PRPF39: variants seen among roughly 807,000 people sequenced by gnomAD.
PRPF39 encodes the protein pre-mRNA-processing factor 39.
PRPF39 carries 27 observed loss-of-function variants against 82.1 expected under a neutral mutation model. The ratio of observed to expected loss-of-function variants is 0.33; its 90% CI spans 0.24 to 0.45. PRPF39 has a LOEUF of 0.45. Among genes scored for constraint, PRPF39 ranks in the 20% least tolerant of loss-of-function variants. The pLI is 1.00. For synonymous variants in PRPF39, 261 were observed against 256.4 expected (o/e 1.02, Z -0.17); for missense variants, 581 against 796.9 (o/e 0.73, Z 3.26).
intron 3 of PRPF39, 180 bp downstream of exon 3, chr14:45,096,408 C>A: frequency 6.7e-7 from 1 of 1,486,936 alleles, no homozygotes; most frequent in Non-Finnish European, 9.0e-7. Flanking sequence ...CTAATATTTT[C>A]TCTCTTTGTT....
intron 1 of PRPF39, among the ~76,000 whole-genome samples, chr14:45,094,644 A>T (rs1036957995): frequency 2.6e-5 from 4 of 152,216 alleles, no homozygotes; most frequent in Non-Finnish European, 2.9e-5. Context: ...TTTATATCTT[A>T]TATAATAAAG....
In PRPF39 at chr14:45,107,419, C is replaced by G. The variant is rs1403536668; in HGVS notation, c.738-32C>G. The stretch of plus-strand genomic sequence containing the variant: ...CAATATGAGATCTAAAATTATGATT[C>G]AAATACATATATTTTTATTGTCTTC... On this transcript the variant is annotated intron_variant, in intron 5 of 13. Coordinates refer to ENST00000355765, the MANE Select transcript of PRPF39 (RefSeq NM_017922.4). 9 of 1,426,696 alleles carry G rather than the reference C, an allele frequency of 6.3e-6. No homozygotes were observed. The Admixed American group carries it at 8.4e-5, about 13-fold the overall frequency. 88.4% of individuals were successfully genotyped at this position (1,426,696 alleles called of 1,614,324 possible).
At chr14:45,109,561 G>T in intron 7 of PRPF39, 55 bp from the exon 8 acceptor site, 3 of 1,441,028 alleles carry the variant, frequency 2.1e-6, no homozygotes, top group Non-Finnish European at 2.8e-6. Context: ...CTGTACATGT[G>T]CATATTTTGG....
At position 45,116,140 on chromosome 14, in the gene PRPF39, C is replaced by T. The variant is rs1226512080; in HGVS notation, c.*1227C>T. ...AAGTTCTAACTAGTTGTGTAAATTTCTTCAAGGCCAAGTTTTATCATTGTT... is the reference window on the plus strand; with the variant it reads ...AAGTTCTAACTAGTTGTGTAAATTTTTTCAAGGCCAAGTTTTATCATTGTT... On this transcript the variant is annotated 3_prime_UTR_variant, in exon 14 of 14. Transcript: ENST00000355765. 1 of 1,290,530 alleles carries T rather than the reference C, an allele frequency of 7.7e-7. No homozygotes were observed. Among genetic ancestry groups the T allele is most frequent in the Non-Finnish European group, 1.1e-6 (1 of 893,002 alleles). The allele number at this position is 1,290,530 out of a possible 1,614,324, so 79.9% of individuals were successfully genotyped here.
intron 1 of PRPF39, among the ~76,000 whole-genome samples, chr14:45,086,523 T>C (rs1217267102): frequency 6.6e-6 from 1 of 152,112 alleles, no homozygotes; most frequent in Non-Finnish European, 1.5e-5. Flanking sequence ...GGGAGGACTT[T>C]TATTAGTCTG....
intron 1 of PRPF39, among the ~76,000 whole-genome samples, chr14:45,085,606 A>G (rs951057238): frequency 6.6e-6 from 1 of 152,214 alleles, no homozygotes; most frequent in African/African-American, 2.4e-5. Context: ...ATTGATGTAG[A>G]CGTTTATGTA....
intron 4 of PRPF39, among the ~76,000 whole-genome samples, chr14:45,101,347 T>C (rs1884366963): frequency 6.6e-6 from 1 of 152,254 alleles, no homozygotes; most frequent in African/African-American, 2.4e-5. Flanking sequence ...GATACTTATC[T>C]TGAAAGTATG....
intron 1 of PRPF39, among the ~76,000 whole-genome samples, chr14:45,085,596 A>G (rs898850178): frequency 2.0e-5 from 3 of 152,226 alleles, no homozygotes; most frequent in Admixed American, 6.5e-5. Flanking sequence ...AAAGCCGAAG[A>G]TTGATGTAGA....
chr14:45,085,110 C>T (rs957804192), intron 1 of PRPF39, among the ~76,000 whole-genome samples: 2 of 152,072 alleles, frequency 1.3e-5, no homozygotes, highest in African/African-American at 4.8e-5. Flanking sequence ...TGGACAGGGA[C>T]GTATGAAGCT....
intron 5 of PRPF39, among the ~76,000 whole-genome samples, chr14:45,103,632 A>AT (rs1171648901): frequency 6.6e-6 from 1 of 152,154 alleles, no homozygotes; most frequent in Non-Finnish European, 1.5e-5. Context: ...TAGGAAGCAT[A>AT]TAGATAGGAA....
chr14:45,115,123 T>C lies in PRPF39; in HGVS notation c.*210T>C. On this transcript the variant is annotated 3_prime_UTR_variant, in exon 14 of 14. Transcript: ENST00000355765. ...CCTACCATTTATAAAATTTACTTTTTATTGAAAAACTATTTTTTGATTTTT... is the reference window on the plus strand; with the variant it reads ...CCTACCATTTATAAAATTTACTTTTCATTGAAAAACTATTTTTTGATTTTT... 2.8e-6 allele frequency: 1 copy of C among 355,660 alleles called. No homozygotes were observed. The highest frequency in any genetic ancestry group is 5.1e-6 in the Non-Finnish European group (1 of 195,784). The allele number at this position is 355,660 out of a possible 1,614,324, so 22.0% of individuals were successfully genotyped here.
At position 45,095,559 on chromosome 14, in the gene PRPF39, A is replaced by T. The variant is rs1884170958; in HGVS notation, c.320A>T (p.Gln107Leu). The T allele has an allele frequency of 6.3e-7, 1 of 1,590,856 alleles. No individual in the cohort carries two copies. The highest frequency in any genetic ancestry group is 8.6e-7 in the Non-Finnish European group (1 of 1,168,326). Reference sequence around the variant, plus strand: ...GTATATTTGCTTCAATATGTAGAACAGGAGGTTAGTAACTATTAAAATGGT... The same window carrying T: ...GTATATTTGCTTCAATATGTAGAACTGGAGGTTAGTAACTATTAAAATGGT... ...GWVYLLQYVE[Q>L]ENHLMAARKA... is the part of the protein sequence containing the mutation. The change falls in exon 2 of 14, where the codon CAG (glutamine) becomes CTG (leucine). Residue 107 changes from glutamine to leucine, a missense_variant. By Grantham distance (113) the Gln-to-Leu change is moderately radical (BLOSUM62 -2). Transcript: ENST00000355765.
intron 1 of PRPF39, among the ~76,000 whole-genome samples, chr14:45,092,268 C>T (rs1224555339): frequency 1.3e-5 from 2 of 152,154 alleles, no homozygotes; most frequent in African/African-American, 4.8e-5. Context: ...AGGCAACTAA[C>T]AGTGTCTGCC....
At chr14:45,085,495 T>C (rs1883793653) in intron 1 of PRPF39, among the ~76,000 whole-genome samples, 1 of 152,202 alleles carries the variant, frequency 6.6e-6, no homozygotes, top group South Asian at 2.1e-4. Flanking sequence ...TTTTAACAAA[T>C]CTACATGGAA....
chr14:45,100,445 T>C (rs1382783535), intron 4 of PRPF39, among the ~76,000 whole-genome samples: 1 of 152,236 alleles, frequency 6.6e-6, no homozygotes. Flanking sequence ...TTTTATTTAC[T>C]TGGGGAATGG....
At chr14:45,113,191 T>A (rs572664996) in intron 11 of PRPF39, among the ~76,000 whole-genome samples, 1 of 152,326 alleles carries the variant, frequency 6.6e-6, no homozygotes, top group East Asian at 1.9e-4. Flanking sequence ...ATTAGTTGTG[T>A]CTGGGTGTTT....
In PRPF39 at chr14:45,110,936, G is replaced by A; in HGVS notation, c.1572+119G>A. 1.0e-6 allele frequency: 1 copy of A among 993,462 alleles called. No individual in the cohort carries two copies. Among genetic ancestry groups the A allele is most frequent in the Non-Finnish European group, 1.4e-6 (1 of 692,386 alleles). 61.5% of individuals were successfully genotyped at this position (993,462 alleles called of 1,614,324 possible). A position where few individuals can be genotyped will look rare whatever the true frequency, so the allele number is the denominator to read the frequency against. Reference sequence around the variant, plus strand: ...TATGTAATAGATTTTATTACTAAATGAGGACAACAGTCCCTCTAAACTGAT... The same window carrying A: ...TATGTAATAGATTTTATTACTAAATAAGGACAACAGTCCCTCTAAACTGAT... On this transcript the variant is annotated intron_variant, in intron 10 of 13. Coordinates refer to ENST00000355765, the MANE Select transcript of PRPF39 (RefSeq NM_017922.4). This position sits in a 1 kb window ranked among gnomAD's most constrained non-coding sequence, Gnocchi z 4.0.
chr14:45,088,444 G>C (rs1883913582), intron 1 of PRPF39: 1 of 153,138 alleles, frequency 6.5e-6, no homozygotes, highest in African/African-American at 2.4e-5. Context: ...ATGTACTAAG[G>C]TTCCTAAGCT....
chr14:45,115,548 T>C lies in PRPF39; in HGVS notation c.*635T>C, dbSNP rs1884812849. 2 of 152,634 alleles carry C rather than the reference T, an allele frequency of 1.3e-5. 1 individual carries two copies. Among genetic ancestry groups the C allele is most frequent in the South Asian group, 4.1e-4 (2 of 4,830 alleles). The allele number at this position is 152,634 out of a possible 1,614,324, so 9.5% of individuals were successfully genotyped here. A position where few individuals can be genotyped will look rare whatever the true frequency, so the allele number is the denominator to read the frequency against. ...TGTAAAACTTGTGAACAAGCTTTCA[T>C]TTTGATCAAACTGATCTTCATTTTT... On this transcript the variant is annotated 3_prime_UTR_variant, in exon 14 of 14. Transcript: ENST00000355765.
Sources: gnomAD v4.1 joint callset for allele counts (sites outside exome capture counted in the v4.1 genomes callset) on GRCh38, gnomAD v4.1.1 for gene constraint, Gnocchi (gnomAD v3.1) non-coding constraint, MANE v1.5 for transcripts, NCBI Gene and HGNC (gene_info 2026-07-23, HGNC 2026-07-21) for gene names.